Variants in KDM4C observed in about 807,000 individuals in gnomAD.
KDM4C encodes lysine-specific demethylase 4C.
Under a neutral mutation model 129.3 loss-of-function variants are expected in KDM4C, and 81 were observed. The observed-to-expected ratio is 0.63, with a 90% confidence interval of 0.52 to 0.75. The LOEUF is 0.75. KDM4C is among the 30% of genes least tolerant of loss of function. The pLI is 0.00. For missense variants in KDM4C, 1,457 were observed against 1,304.0 expected (o/e 1.12, Z -1.81); for synonymous variants, 573 against 456.1 (o/e 1.26, Z -3.26).
intron 19 of KDM4C, among the ~76,000 whole-genome samples, chr9:7,142,946 A>T (rs1441104187): frequency 6.6e-6 from 1 of 152,228 alleles, no homozygotes; most frequent in Non-Finnish European, 1.5e-5. Context: ...TACATCCTGT[A>T]TATTGTTAAT....
intron 1 of KDM4C, among the ~76,000 whole-genome samples, chr9:6,760,342 C>T (rs1819160710): frequency 6.6e-6 from 1 of 151,784 alleles, no homozygotes; most frequent in African/African-American, 2.4e-5. Flanking sequence ...TTTGTTTATT[C>T]ATCAGTTGGT....
intron 5 of KDM4C, among the ~76,000 whole-genome samples, chr9:6,853,016 A>G (rs888211863): frequency 2.0e-5 from 3 of 151,092 alleles, no homozygotes; most frequent in East Asian, 1.9e-4. Flanking sequence ...GTTAAGGTCC[A>G]TGGTTTTGTT....
intron 15 of KDM4C, among the ~76,000 whole-genome samples, chr9:7,018,678 A>G (rs1364855982): frequency 6.6e-6 from 1 of 152,220 alleles, no homozygotes. Context: ...CTGTTGTCCA[A>G]GGTACCATTG....
chr9:6,747,782 C>A (rs1330333647), intron 1 of KDM4C, among the ~76,000 whole-genome samples: 2 of 152,222 alleles, frequency 1.3e-5, no homozygotes, highest in Admixed American at 1.3e-4. Flanking sequence ...GCTGCTTGAG[C>A]AGCCCGCTCT....
At chr9:7,094,181 C>T (rs758206152) in intron 17 of KDM4C, among the ~76,000 whole-genome samples, 1 of 152,164 alleles carries the variant, frequency 6.6e-6, no homozygotes, top group East Asian at 1.9e-4. Flanking sequence ...TACTTGTCCT[C>T]AAAGGAAGTC....
chr9:7,100,647 C>G (rs1217767368), intron 17 of KDM4C, among the ~76,000 whole-genome samples: 1 of 152,196 alleles, frequency 6.6e-6, no homozygotes, highest in Non-Finnish European at 1.5e-5. Context: ...GCCTAAAGAT[C>G]TTTAGAAACA....
chr9:7,093,441 A>G (rs909895077), intron 17 of KDM4C, among the ~76,000 whole-genome samples: 3 of 152,166 alleles, frequency 2.0e-5, no homozygotes, highest in African/African-American at 7.2e-5. Flanking sequence ...TTACACCATG[A>G]TGTTCTTCAT....
chr9:6,879,905 T>G, intron 5 of KDM4C, 107 bp from the exon 6 acceptor site: 1 of 530,086 alleles, frequency 1.9e-6, no homozygotes. Flanking sequence ...CTAAGTGGAG[T>G]TTGGTGTTGA....
In KDM4C at chr9:6,876,141, A is replaced by G. The variant is rs568912162; in HGVS notation, c.630-3871A>G. Among the ~76,000 whole-genome samples the G allele has an allele frequency of 6.6e-5, 10 of 152,282 alleles. No homozygotes were observed. In the South Asian group the frequency reaches 1.9e-3, roughly 28 times the overall value. ...ATGTGCCTGTCTGACCCTTGATGTT[A>G]GGATTGTTTGAACTGATACTTTTTG... On this transcript the variant is annotated intron_variant, in intron 5 of 21. Coordinates refer to ENST00000381309, the MANE Select transcript of KDM4C (RefSeq NM_015061.6).
rs139711554 is a variant in KDM4C at position 6,945,123 on chromosome 9, C to T, written c.922-35802C>T. Among the ~76,000 whole-genome samples the T allele has an allele frequency of 4.8e-3, 724 of 152,290 alleles. 7 individuals are homozygous for T. The highest frequency in any genetic ancestry group is 0.016 in the African/African-American group (648 of 41,560). ...CATACCTTCCACCTCTTACTCACTG[C>T]ACGAACCCGTGGACCCGCACACATA... is the stretch of plus-strand genomic sequence containing the variant. On this transcript the variant is annotated intron_variant, in intron 8 of 21. Transcript: ENST00000381309.
At chr9:6,911,564 A>G (rs953274887) in intron 8 of KDM4C, among the ~76,000 whole-genome samples, 5 of 152,186 alleles carry the variant, frequency 3.3e-5, no homozygotes, top group African/African-American at 1.2e-4. Context: ...TTCATGATAC[A>G]TTTCACTTCC....
intron 1 of KDM4C, among the ~76,000 whole-genome samples, chr9:6,775,719 T>A (rs996943714): frequency 1.3e-5 from 2 of 150,786 alleles, no homozygotes; most frequent in Non-Finnish European, 3.0e-5. Flanking sequence ...ACGGGGTTTC[T>A]CCATGTTGGT....
intron 18 of KDM4C, among the ~76,000 whole-genome samples, chr9:7,117,012 T>A (rs1204444304): frequency 6.6e-6 from 1 of 152,248 alleles, no homozygotes; most frequent in Non-Finnish European, 1.5e-5. Context: ...TTATGTCATT[T>A]GATGTTCATA....
Position 6,805,661 on chromosome 9 carries a change from T to C in KDM4C, c.207T>C (p.Ile69=). 6.2e-7 allele frequency: 1 copy of C among 1,614,092 alleles called. No individual in the cohort carries two copies. Among genetic ancestry groups the C allele is most frequent in the Non-Finnish European group, 8.5e-7 (1 of 1,179,974 alleles). ...QCYDDIDNLL[I]PAPIQQMVTG... ...ATGATGACATTGATAATTTGCTCAT[T>C]CCAGCACCAATTCAGCAGATGGTCA... Residue 69 remains isoleucine (I), a synonymous_variant, in exon 3 of 22, where the codon ATT becomes ATC. Coordinates refer to ENST00000381309, the MANE Select transcript of KDM4C (RefSeq NM_015061.6).
At chr9:7,112,414 A>G (rs1838429791) in intron 18 of KDM4C, among the ~76,000 whole-genome samples, 1 of 152,172 alleles carries the variant, frequency 6.6e-6, no homozygotes, top group African/African-American at 2.4e-5. Flanking sequence ...GAGAAGAAAC[A>G]GAGACCTGGA....
At chr9:7,030,898 C>T (rs1826612644) in intron 15 of KDM4C, among the ~76,000 whole-genome samples, 2 of 152,092 alleles carry the variant, frequency 1.3e-5, no homozygotes, top group African/African-American at 4.8e-5. Flanking sequence ...TTGGAATTCT[C>T]ATTCCATATA....
At chr9:7,005,981 T>A (rs1256458873) in intron 12 of KDM4C, among the ~76,000 whole-genome samples, 1 of 152,394 alleles carries the variant, frequency 6.6e-6, no homozygotes, top group East Asian at 1.9e-4. Flanking sequence ...ATATATTTTC[T>A]AGTGTGACTT....
At chr9:6,882,790 G>A (rs1028400301) in intron 6 of KDM4C, among the ~76,000 whole-genome samples, 6 of 151,918 alleles carry the variant, frequency 3.9e-5, no homozygotes, top group African/African-American at 1.5e-4. Context: ...GTGTGTGTGT[G>A]TGTGTGTGTG....
intron 3 of KDM4C, among the ~76,000 whole-genome samples, chr9:6,807,178 G>C (rs1399450140): frequency 2.6e-5 from 4 of 152,136 alleles, no homozygotes; most frequent in African/African-American, 4.8e-5. Flanking sequence ...ACGGAGTCTC[G>C]TTCACTCAGT....
Sources: gnomAD v4.1 joint callset for allele counts (sites outside exome capture counted in the v4.1 genomes callset) on GRCh38, gnomAD v4.1.1 for gene constraint, MANE v1.5 for transcripts, NCBI Gene and HGNC (gene_info 2026-07-23, HGNC 2026-07-21) for gene names.